ADD2: variants seen among roughly 807,000 people sequenced by gnomAD.
The protein encoded by ADD2 is adducin 2.
ADD2 carries 23 observed loss-of-function variants against 83.0 expected under a neutral mutation model. The ratio of observed to expected loss-of-function variants is 0.28; its 90% confidence interval spans 0.20 to 0.39. The LOEUF (loss-of-function observed/expected upper bound fraction) is 0.39. ADD2 is among the 10% of genes least tolerant of loss of function. ADD2 has a pLI of 1.00. For missense variants in ADD2, 758 were observed against 944.9 expected (o/e 0.80, Z 2.59); for synonymous variants, 375 against 375.4 (o/e 1.00, Z 0.01).
intron 1 of ADD2, among the ~76,000 whole-genome samples, chr2:70,759,109 G>T (rs1158066728): frequency 1.3e-5 from 2 of 152,164 alleles, no homozygotes; most frequent in Non-Finnish European, 2.9e-5. Context: ...ACTTGGCTTA[G>T]AAAGTTTTTT....
Position 70,762,586 on chromosome 2 carries a change from G to T in ADD2, c.-154+5300C>A, listed in dbSNP as rs180719401. Among the ~76,000 whole-genome samples, 102 of 149,410 alleles carry T rather than the reference G, an allele frequency of 6.8e-4. 1 individual carries two copies. In the East Asian group the frequency reaches 0.019, roughly 28 times the overall value. ...ACATATAAAATATACACAAATACATGTTTATATATATAATTACATAATTAT... is the reference window on the plus strand; with the variant it reads ...ACATATAAAATATACACAAATACATTTTTATATATATAATTACATAATTAT... On this transcript the variant is annotated intron_variant, in intron 1 of 15. Transcript: ENST00000264436.
At chr2:70,740,103 TATG>T (rs1327884000) in intron 1 of ADD2, among the ~76,000 whole-genome samples, 1 of 152,170 alleles carries the variant, frequency 6.6e-6, no homozygotes, top group Admixed American at 6.5e-5. Context: ...AACTATGGCT[TATG>T]ATATTTATAT....
chr2:70,707,884 C>T (rs1222706408), intron 2 of ADD2, among the ~76,000 whole-genome samples: 3 of 152,210 alleles, frequency 2.0e-5, no homozygotes, highest in Non-Finnish European at 2.9e-5. Flanking sequence ...AGACTCCTGG[C>T]CTCCCAGGTC....
At chr2:70,754,098 A>G (rs1421570924) in intron 1 of ADD2, among the ~76,000 whole-genome samples, 1 of 152,150 alleles carries the variant, frequency 6.6e-6, no homozygotes, top group Non-Finnish European at 1.5e-5. Flanking sequence ...AAGATGCCTC[A>G]AGGGAGGGAG....
intron 7 of ADD2, 123 bp downstream of exon 7, chr2:70,692,280 G>A: frequency 8.7e-7 from 1 of 1,154,460 alleles, no homozygotes; most frequent in East Asian, 2.8e-5. Context: ...TCCACGTTGG[G>A]AGTTCTCTCG....
intron 14 of ADD2, 25 bp from the exon 15 acceptor site, chr2:70,673,031 G>C: frequency 6.2e-7 from 1 of 1,605,132 alleles, no homozygotes; most frequent in South Asian, 1.1e-5. Context: ...AAACACCTCA[G>C]GATAGAGGTC....
In ADD2 at chr2:70,763,067, A is replaced by C. The variant is rs1467835798; in HGVS notation, c.-154+4819T>G. Among the ~76,000 whole-genome samples, 3 of 152,038 alleles carry C rather than the reference A, an allele frequency of 2.0e-5. 1 individual carries two copies. Among genetic ancestry groups the C allele is most frequent in the African/African-American group, 7.3e-5 (3 of 41,274 alleles). ...TTGACAGATCACTTAGGTACAAAGAAAAGTTTAAAATAAATTTGAATAACA... is the reference window on the plus strand; with the variant it reads ...TTGACAGATCACTTAGGTACAAAGACAAGTTTAAAATAAATTTGAATAACA... On this transcript the variant is annotated intron_variant, in intron 1 of 15. Transcript: ENST00000264436.
At chr2:70,737,845 A>G (rs782210429) in intron 1 of ADD2, among the ~76,000 whole-genome samples, 1 of 152,208 alleles carries the variant, frequency 6.6e-6, no homozygotes, top group Non-Finnish European at 1.5e-5. Context: ...AGCTTCTCAC[A>G]TTCACATGAG....
intron 9 of ADD2, 114 bp from the exon 10 acceptor site, chr2:70,683,881 A>G: frequency 2.4e-6 from 3 of 1,240,226 alleles, no homozygotes; most frequent in Non-Finnish European, 3.2e-6. Flanking sequence ...TTAGAGGCCA[A>G]ACTGAGAAAG....
intron 11 of ADD2, 86 bp downstream of exon 11, chr2:70,678,618 T>G (rs1574230291): frequency 6.7e-7 from 1 of 1,490,778 alleles, no homozygotes. Flanking sequence ...CAGGAGAGGT[T>G]TGTTCTGTTC....
chr2:70,751,360 T>C (rs1161530795), intron 1 of ADD2, among the ~76,000 whole-genome samples: 6 of 152,158 alleles, frequency 3.9e-5, no homozygotes, highest in Non-Finnish European at 5.9e-5. Context: ...AGTCCACTTA[T>C]ATAGAAAAAT....
At chr2:70,709,993 C>A (rs575495511) in intron 2 of ADD2, among the ~76,000 whole-genome samples, 1 of 152,194 alleles carries the variant, frequency 6.6e-6, no homozygotes, top group Non-Finnish European at 1.5e-5. Flanking sequence ...GCAGGCAGCA[C>A]GGCAGAACAA....
intron 10 of ADD2, among the ~76,000 whole-genome samples, chr2:70,682,725 G>T (rs1487613561): frequency 1.3e-5 from 2 of 152,070 alleles, no homozygotes; most frequent in African/African-American, 4.8e-5. Context: ...CAGCTAAATT[G>T]TTAGCCCTCA....
chr2:70,677,826 T>C lies in ADD2; in HGVS notation c.1435A>G (p.Ile479Val), dbSNP rs782414691. ...GGCACAAATTGGTTTGGGTTTTCGA[T>C]GCGAATCGGCATGCCACTGCTGGAT... Reference protein sequence around the residue: ...EKSSSGMPIRIENPNQFVPLY... With the variant: ...EKSSSGMPIRVENPNQFVPLY... The change falls in exon 12 of 16, where the codon ATC (isoleucine) becomes GTC (valine). Residue 479 changes from isoleucine (I) to valine (V), a missense_variant. Physicochemically the swap from Ile to Val is conservative, Grantham distance 29 (BLOSUM62 3). This residue lies in a region of ADD2 where 394 missense variants were observed against 509.3 expected (regional missense o/e 0.77). Coordinates refer to ENST00000264436, the MANE Select transcript of ADD2 (RefSeq NM_001617.4). 2.5e-6 allele frequency: 4 copies of C among 1,614,236 alleles called. No individual in the cohort carries two copies. Among genetic ancestry groups the C allele is most frequent in the Non-Finnish European group, 3.4e-6 (4 of 1,180,030 alleles).
chr2:70,726,177 A>T, intron 1 of ADD2, among the ~76,000 whole-genome samples: 1 of 107,404 alleles, frequency 9.3e-6, no homozygotes. Flanking sequence ...ACAGAGCGAG[A>T]CTCCATCTCA....
At chr2:70,677,366 C>T (rs1220747419) in intron 12 of ADD2, among the ~76,000 whole-genome samples, 5 of 152,150 alleles carry the variant, frequency 3.3e-5, no homozygotes, top group Non-Finnish European at 5.9e-5. Flanking sequence ...GAGGTGCCTG[C>T]TACAACTGCA....
At chr2:70,709,902 TAAG>T (rs1375215866) in intron 2 of ADD2, among the ~76,000 whole-genome samples, 1 of 152,120 alleles carries the variant, frequency 6.6e-6, no homozygotes, top group African/African-American at 2.4e-5. Flanking sequence ...ACCTTGAGGA[TAAG>T]AAGGGATGAC....
intron 2 of ADD2, among the ~76,000 whole-genome samples, chr2:70,707,141 G>A (rs1257021490): frequency 1.3e-5 from 2 of 152,156 alleles, no homozygotes; most frequent in African/African-American, 4.8e-5. Context: ...CTTAAACTTC[G>A]CTCTGGCCCC....
chr2:70,679,279 C>G (rs1468813277), intron 10 of ADD2, among the ~76,000 whole-genome samples: 3 of 152,178 alleles, frequency 2.0e-5, no homozygotes, highest in Non-Finnish European at 4.4e-5. Context: ...CCAGTGGCTC[C>G]CAGCCCTGGC....
Sources: gnomAD v4.1 joint callset for allele counts (sites outside exome capture counted in the v4.1 genomes callset) on GRCh38, gnomAD v4.1.1 for gene constraint, gnomAD v4.1.1 regional missense constraint, MANE v1.5 for transcripts, NCBI Gene and HGNC (gene_info 2026-07-23, HGNC 2026-07-21) for gene names.